C2CD3: variants seen among roughly 807,000 people sequenced by gnomAD.
C2CD3 encodes the protein C2 domain containing 3 centriole elongation regulator.
A neutral mutation model predicts 234.0 loss-of-function variants in C2CD3; 148 were observed. The ratio of observed to expected loss-of-function variants is 0.63; its 90% CI spans 0.55 to 0.72. The LOEUF (loss-of-function observed/expected upper bound fraction) is 0.72. Among genes scored for constraint, C2CD3 ranks in the 30% least tolerant of loss-of-function variants. The pLI, the probability that C2CD3 is intolerant of heterozygous loss-of-function variation, is 0.00. For synonymous variants in C2CD3, 1,000 were observed against 1,035.4 expected, an observed-to-expected ratio of 0.97 and a Z score of 0.66; for missense variants, 2,577 against 2,811.5, an observed-to-expected ratio of 0.92 and a Z score of 1.89.
rs780888309 is a variant in C2CD3, at chr11:74,113,877, T to G, written c.1746A>C (p.Glu582Asp). Residue 582 changes from glutamate (E) to aspartate (D), a missense_variant, in exon 11 of 33, where the codon GAA becomes GAC. Transcript: ENST00000334126. ...CCGAAAAGCCCACAGGAAAGTGATA[T>G]TCTACAAAGAAAGTGCTAAAAAGAA... is the stretch of plus-strand genomic sequence containing the variant. ...TTAKKRTFFV[E>D]YHFPVGFSES... is the part of the protein sequence containing the mutation. The G allele has an allele frequency of 3.2e-6, 5 of 1,587,114 alleles. No individual in the cohort carries two copies. The highest frequency in any genetic ancestry group is 1.7e-4 in the Middle Eastern group (1 of 5,930).
At chr11:74,025,483 T>C (rs1952257799) in intron 32 of C2CD3, among the ~76,000 whole-genome samples, 1 of 152,058 alleles carries the variant, frequency 6.6e-6, no homozygotes, top group Non-Finnish European at 1.5e-5. Context: ...GTATTTTTAC[T>C]AAAAATACTA....
chr11:74,028,484 G>T, intron 31 of C2CD3, 86 bp from the exon 32 acceptor site: 1 of 772,680 alleles, frequency 1.3e-6, no homozygotes, highest in Non-Finnish European at 2.0e-6. Flanking sequence ...CATTCACTCT[G>T]CCCCCACTCA....
chr11:74,093,561 G>A (rs536954775), intron 18 of C2CD3, among the ~76,000 whole-genome samples: 2 of 151,670 alleles, frequency 1.3e-5, no homozygotes, highest in South Asian at 4.2e-4. Flanking sequence ...CATAATAGGA[G>A]GTAAAATAAA....
intron 3 of C2CD3, among the ~76,000 whole-genome samples, chr11:74,141,354 C>G (rs575820985): frequency 6.6e-6 from 1 of 152,324 alleles, no homozygotes; most frequent in South Asian, 2.1e-4. Context: ...GTGCAGTGAT[C>G]ACTGTTAACA....
At position 74,033,969 on chromosome 11, in the gene C2CD3, T is replaced by C. The variant is rs546410848; in HGVS notation, c.6191A>G (p.Tyr2064Cys). ...CCTGGGCTCAATGATGTCTTCTTCA[T>C]AGTCCTCATCACTGTAGGCTGGGCC... ...EAGPAYSDED[Y>C]EEDIIEPRTL... Residue 2064 changes from tyrosine to cysteine, a missense_variant, in exon 31 of 33, where the codon TAT becomes TGT. Coordinates refer to ENST00000334126, the MANE Select transcript of C2CD3 (RefSeq NM_001286577.2). 2.6e-5 allele frequency: 40 copies of C among 1,536,446 alleles called. No individual in the cohort carries two copies. In the African/African-American group the frequency reaches 4.1e-4, roughly 16 times the overall value.
At chr11:74,167,338 T>A (rs370502323) in intron 2 of C2CD3, among the ~76,000 whole-genome samples, 10 of 152,232 alleles carry the variant, frequency 6.6e-5, no homozygotes, top group African/African-American at 2.2e-4. Context: ...ATTATTTATA[T>A]CTTTTAATCG....
intron 7 of C2CD3, among the ~76,000 whole-genome samples, chr11:74,123,530 C>T (rs80087833): frequency 6.6e-6 from 1 of 151,966 alleles, no homozygotes; most frequent in Non-Finnish European, 1.5e-5. Flanking sequence ...ATCGATTTTG[C>T]AAAAAATTCA....
chr11:74,019,881 C>A (rs1235768644), intron 32 of C2CD3, among the ~76,000 whole-genome samples: 1 of 152,136 alleles, frequency 6.6e-6, no homozygotes, highest in East Asian at 1.9e-4. Flanking sequence ...CTCAGAAAGT[C>A]ATAAGCAGAG....
chr11:74,139,186 T>C (rs1353075597), intron 4 of C2CD3, among the ~76,000 whole-genome samples: 2 of 152,324 alleles, frequency 1.3e-5, no homozygotes, highest in East Asian at 3.9e-4. Context: ...ATAGCTTAAA[T>C]GAGACAATAA....
intron 26 of C2CD3, among the ~76,000 whole-genome samples, chr11:74,049,865 C>T (rs1361461724): frequency 2.6e-5 from 4 of 152,144 alleles, no homozygotes; most frequent in African/African-American, 9.7e-5. Context: ...ACTGCGGCCT[C>T]GAACTCGCAA....
chr11:74,037,519 T>A lies in C2CD3; in HGVS notation c.5840A>T (p.Lys1947Ile), dbSNP rs1313965598. The stretch of plus-strand genomic sequence containing the variant: ...GACTTGCAACACCAGGTTACTGGAT[T>A]TCTCCAGGATACACTGGCTCCCAGG... ...LDPGSQCILE[K>I]SSNLVLQVSS... is the part of the protein sequence containing the mutation. Residue 1947 changes from lysine to isoleucine, a missense_variant, in exon 30 of 33, where the codon AAA becomes ATA. Lys to Ile is a moderately radical substitution (Grantham distance 102). Transcript: ENST00000334126. 1.2e-6 allele frequency: 2 copies of A among 1,614,108 alleles called. No homozygotes were observed. Among genetic ancestry groups the A allele is most frequent in the East Asian group, 4.5e-5 (2 of 44,882 alleles).
chr11:74,112,994 C>T (rs553142246), intron 11 of C2CD3, among the ~76,000 whole-genome samples: 109 of 152,144 alleles, frequency 7.2e-4, no homozygotes, highest in Non-Finnish European at 1.2e-3. Flanking sequence ...ACCACGTACA[C>T]AAATGTTCAC....
In C2CD3 at chr11:74,106,438, A is replaced by G; in HGVS notation, c.2018T>C (p.Leu673Pro). 1 of 1,614,096 alleles carries G rather than the reference A, an allele frequency of 6.2e-7. No homozygotes were observed. The highest frequency in any genetic ancestry group is 8.5e-7 in the Non-Finnish European group (1 of 1,179,914). The change falls in exon 13 of 33, where the codon CTG (leucine) becomes CCG (proline). Residue 673 changes from leucine to proline, a missense_variant. Physicochemically the swap from Leu to Pro is moderately conservative, Grantham distance 98 (BLOSUM62 -3). Coordinates refer to ENST00000334126, the MANE Select transcript of C2CD3 (RefSeq NM_001286577.2). Reference protein sequence around the residue: ...LSLRAVIQSELLSFSDQLPVQ... With the variant: ...LSLRAVIQSEPLSFSDQLPVQ... ...TGGAAGCTGATCACTGAAAGAAAGCAGCTCTGATTGAATGACAGCTCGCAA... is the reference window on the plus strand; with the variant it reads ...TGGAAGCTGATCACTGAAAGAAAGCGGCTCTGATTGAATGACAGCTCGCAA...
intron 25 of C2CD3, among the ~76,000 whole-genome samples, chr11:74,055,438 G>A (rs752928601): frequency 6.6e-5 from 10 of 152,210 alleles, no homozygotes; most frequent in Non-Finnish European, 1.3e-4. Context: ...AGGTGCCAGT[G>A]CTCCAGGTAA....
At chr11:74,042,336 C>T in intron 28 of C2CD3, 118 bp from the exon 29 acceptor site, 2 of 1,019,746 alleles carry the variant, frequency 2.0e-6, no homozygotes, top group Non-Finnish European at 2.8e-6. Flanking sequence ...TCTATCCCCA[C>T]TATCACAGTT....
At chr11:74,158,293 G>T (rs1856172902) in intron 3 of C2CD3, among the ~76,000 whole-genome samples, 1 of 152,210 alleles carries the variant, frequency 6.6e-6, no homozygotes, top group Non-Finnish European at 1.5e-5. Flanking sequence ...TCTGACAAGA[G>T]TTAATATCCA....
chr11:74,106,892 G>A (rs1956544432), intron 12 of C2CD3, among the ~76,000 whole-genome samples: 1 of 152,184 alleles, frequency 6.6e-6, no homozygotes, highest in African/African-American at 2.4e-5. Flanking sequence ...GAAACAAGAG[G>A]CTGTCATATG....
At chr11:74,152,642 T>C (rs1369901605) in intron 3 of C2CD3, among the ~76,000 whole-genome samples, 2 of 152,228 alleles carry the variant, frequency 1.3e-5, no homozygotes, top group African/African-American at 4.8e-5. Flanking sequence ...CACTGAAACA[T>C]TAAATCACAA....
At chr11:74,029,989 C>T (rs1204976887) in intron 31 of C2CD3, among the ~76,000 whole-genome samples, 1 of 152,212 alleles carries the variant, frequency 6.6e-6, no homozygotes, top group South Asian at 2.1e-4. Flanking sequence ...CTCCTGACCT[C>T]AAGTGATCCT....
Sources: gnomAD v4.1 joint callset for allele counts (sites outside exome capture counted in the v4.1 genomes callset) on GRCh38, gnomAD v4.1.1 for gene constraint, MANE v1.5 for transcripts, NCBI Gene and HGNC (gene_info 2026-07-23, HGNC 2026-07-21) for gene names.